Variants in GPR158 observed in about 807,000 individuals in gnomAD.
GPR158 encodes the protein metabotropic glycine receptor.
In GPR158, 30 loss-of-function variants were observed where a neutral mutation model predicts 78.2. That is an observed-to-expected ratio of 0.38 (90% CI 0.29 to 0.52). GPR158 has a LOEUF of 0.52. Among genes scored for constraint, GPR158 ranks in the 20% least tolerant of loss-of-function variants. The pLI is 0.83. For missense variants in GPR158, 1,463 were observed against 1,523.5 expected, an observed-to-expected ratio of 0.96 and a Z score of 0.66; for synonymous variants, 581 against 591.1, an observed-to-expected ratio of 0.98 and a Z score of 0.25.
chr10:25,361,560 A>G (rs986365215), intron 2 of GPR158, among the ~76,000 whole-genome samples: 2 of 151,974 alleles, frequency 1.3e-5, no homozygotes, highest in Admixed American at 1.3e-4. Context: ...CCAACAATGC[A>G]CAAGGGTACC....
intron 7 of GPR158, among the ~76,000 whole-genome samples, chr10:25,576,059 T>TG (rs1192695273): frequency 2.1e-5 from 2 of 95,160 alleles, no homozygotes; most frequent in Non-Finnish European, 3.0e-5. Context: ...CTGTTGTTGT[T>TG]TTTTTTTTCC....
chr10:25,429,437 C>T (rs1834867540), intron 4 of GPR158, among the ~76,000 whole-genome samples: 2 of 151,992 alleles, frequency 1.3e-5, no homozygotes, highest in African/African-American at 4.8e-5. Context: ...AAGCTTAGTC[C>T]CACAGCTCAA....
Position 25,466,649 on chromosome 10 carries a change from A to G in GPR158, c.1336-2A>G. ...AATGACGTTTTTATTTTGTTTTTTCAGAGCATCCGGGCATCGGGCCTTATC... is the reference window on the plus strand; with the variant it reads ...AATGACGTTTTTATTTTGTTTTTTCGGAGCATCCGGGCATCGGGCCTTATC... On this transcript the variant is annotated splice_acceptor_variant, in intron 4 of 10. Coordinates refer to ENST00000376351, the MANE Select transcript of GPR158 (RefSeq NM_020752.3). LOFTEE classifies it high-confidence loss of function. The G allele has an allele frequency of 6.3e-7, 1 of 1,596,810 alleles. No homozygotes were observed. Among genetic ancestry groups the G allele is most frequent in the Non-Finnish European group, 8.6e-7 (1 of 1,169,470 alleles).
rs1370844274 is a variant in GPR158 at position 25,248,479 on chromosome 10, A to G, written c.1008+27322A>G. On this transcript the variant is annotated intron_variant, in intron 2 of 10. Transcript: ENST00000376351. ...CATTTAAATCTTTAATCCATCTTGAATTGATTTTTGTATAAGGTGTAAGGA... is the reference window on the plus strand; with the variant it reads ...CATTTAAATCTTTAATCCATCTTGAGTTGATTTTTGTATAAGGTGTAAGGA... Among the ~76,000 whole-genome samples, 569 of 150,242 alleles carry G rather than the reference A, an allele frequency of 3.8e-3. 3 individuals are homozygous for G. Among genetic ancestry groups the G allele is most frequent in the African/African-American group, 0.013 (547 of 41,104 alleles).
Position 25,340,944 on chromosome 10 carries a change from A to T in GPR158, c.1009-54967A>T, listed in dbSNP as rs117379813. 3.1e-3 allele frequency among the ~76,000 whole-genome samples: 469 copies of T among 152,112 alleles called. 10 individuals carry two copies. In the East Asian group the frequency reaches 0.056, roughly 18 times the overall value. Reference sequence around the variant, plus strand: ...ATACATAGAATAGTATAATGGGTGAAAACCAAATACAATTTTTTTTTAAAT... The same window carrying T: ...ATACATAGAATAGTATAATGGGTGATAACCAAATACAATTTTTTTTTAAAT... On this transcript the variant is annotated intron_variant, in intron 2 of 10. Transcript: ENST00000376351.
At chr10:25,416,733 C>G (rs995465316) in intron 4 of GPR158, among the ~76,000 whole-genome samples, 2 of 152,040 alleles carry the variant, frequency 1.3e-5, no homozygotes, top group African/African-American at 4.8e-5. Context: ...CTCATTTTAT[C>G]GATAAGAAAA....
intron 5 of GPR158, among the ~76,000 whole-genome samples, chr10:25,521,773 G>T (rs1168670158): frequency 6.6e-6 from 1 of 152,198 alleles, no homozygotes; most frequent in African/African-American, 2.4e-5. Context: ...CACATCAAAT[G>T]ACTTTAGTAG....
chr10:25,528,777 T>G (rs1392214884), intron 5 of GPR158, among the ~76,000 whole-genome samples: 2 of 152,124 alleles, frequency 1.3e-5, no homozygotes, highest in East Asian at 3.9e-4. Context: ...AGTCTAAAAT[T>G]TATATAGAAA....
intron 5 of GPR158, among the ~76,000 whole-genome samples, chr10:25,476,224 A>G (rs1272864333): frequency 6.6e-6 from 1 of 152,198 alleles, no homozygotes; most frequent in African/African-American, 2.4e-5. Flanking sequence ...TATAATTTAT[A>G]AAAGAAAGAA....
intron 4 of GPR158, 32 bp from the exon 5 acceptor site, chr10:25,466,619 T>C: frequency 6.9e-7 from 1 of 1,453,100 alleles, no homozygotes; most frequent in Non-Finnish European, 9.6e-7. Context: ...GAAATGTAAG[T>C]TAGTAATGAC....
In GPR158 at chr10:25,512,801, G is replaced by T. The variant is rs369133945; in HGVS notation, c.1405-38175G>T. On this transcript the variant is annotated intron_variant, in intron 5 of 10. Transcript: ENST00000376351. Reference sequence around the variant, plus strand: ...CTATTGACATGATCATGTGATTTTTGCTTTTAATAACGTTTATGTGCTATA... The same window carrying T: ...CTATTGACATGATCATGTGATTTTTTCTTTTAATAACGTTTATGTGCTATA... Among the ~76,000 whole-genome samples the T allele has an allele frequency of 1.9e-4, 29 of 152,004 alleles. 1 individual carries two copies. In the East Asian group the frequency reaches 5.4e-3, roughly 28 times the overall value.
intron 2 of GPR158, among the ~76,000 whole-genome samples, chr10:25,360,175 T>G (rs912913078): frequency 2.0e-5 from 3 of 152,204 alleles, no homozygotes; most frequent in Non-Finnish European, 4.4e-5. Context: ...ATGGATAGAT[T>G]GTAAAAATTT....
chr10:25,235,888 G>GGGTTTCATCATGTTAGCCAGGAT (rs1853516373), intron 2 of GPR158, among the ~76,000 whole-genome samples: 1 of 151,688 alleles, frequency 6.6e-6, no homozygotes, highest in Non-Finnish European at 1.5e-5. Flanking sequence ...AGTAGAGACG[G>GGGTTTCATCATGTTAGCCAGGAT]GGTTTCATCA....
At chr10:25,207,891 C>T (rs1236731957) in intron 1 of GPR158, among the ~76,000 whole-genome samples, 1 of 152,088 alleles carries the variant, frequency 6.6e-6, no homozygotes, top group African/African-American at 2.4e-5. Flanking sequence ...TAAGTGCTGC[C>T]TTTCCTAATT....
intron 2 of GPR158, among the ~76,000 whole-genome samples, chr10:25,308,426 C>T (rs11014498): frequency 6.6e-6 from 1 of 152,080 alleles, no homozygotes; most frequent in African/African-American, 2.4e-5. Flanking sequence ...TGTTAGTTTG[C>T]TAAGGTGACT....
At chr10:25,466,787 TACAC>T (rs71399973) in intron 5 of GPR158, 68 bp downstream of exon 5, 32 of 707,096 alleles carry the variant, frequency 4.5e-5, no homozygotes, top group African/African-American at 1.1e-4. Context: ...AGTTACTGTT[TACAC>T]ACACACACAC....
chr10:25,367,504 C>A (rs1012329017), intron 2 of GPR158, among the ~76,000 whole-genome samples: 5 of 151,882 alleles, frequency 3.3e-5, no homozygotes, highest in Non-Finnish European at 7.4e-5. Flanking sequence ...CATTTCTATA[C>A]AAAATTTGGG....
At chr10:25,286,989 A>G (rs1854359560) in intron 2 of GPR158, among the ~76,000 whole-genome samples, 1 of 151,958 alleles carries the variant, frequency 6.6e-6, no homozygotes, top group Non-Finnish European at 1.5e-5. Flanking sequence ...TACCATTGTT[A>G]CTTGATGCCT....
chr10:25,448,570 T>C (rs1437766374), intron 4 of GPR158, among the ~76,000 whole-genome samples: 2 of 152,266 alleles, frequency 1.3e-5, no homozygotes, highest in Non-Finnish European at 2.9e-5. Flanking sequence ...ATAAAGTTGC[T>C]ATAAACAGTC....
Sources: gnomAD v4.1 joint callset for allele counts (sites outside exome capture counted in the v4.1 genomes callset) on GRCh38, gnomAD v4.1.1 for gene constraint, MANE v1.5 for transcripts, NCBI Gene and HGNC (gene_info 2026-07-23, HGNC 2026-07-21) for gene names.